Variants in ZC3H12B observed in about 807,000 individuals in gnomAD.
The protein encoded by ZC3H12B is probable ribonuclease ZC3H12B.
In ZC3H12B, 7 loss-of-function variants were observed where a neutral mutation model predicts 43.9. That is an observed-to-expected ratio of 0.16 (90% CI 0.09 to 0.30). ZC3H12B has a LOEUF of 0.30. ZC3H12B is among the 10% of genes least tolerant of loss of function. ZC3H12B has a pLI of 1.00. For missense variants in ZC3H12B, 475 were observed against 670.2 expected (o/e 0.71, Z 3.22); for synonymous variants, 222 against 241.7 (o/e 0.92, Z 0.76).
the ZC3H12B span, among the ~76,000 whole-genome samples, chrX:65,319,087 G>T: frequency 4.5e-5 from 5 of 111,246 alleles, no homozygotes; most frequent in African/African-American, 1.6e-4. Flanking sequence ...AATCAGAGTG[G>T]AACTCAAGGA....
chrX:65,218,159 G>A, the ZC3H12B span, among the ~76,000 whole-genome samples: 1 of 112,461 alleles, frequency 8.9e-6, no homozygotes, highest in African/African-American at 3.2e-5. Flanking sequence ...TGTATTCTAA[G>A]TACTGAAGGA....
the ZC3H12B span, among the ~76,000 whole-genome samples, chrX:65,203,187 A>G: frequency 1.5e-4 from 17 of 112,137 alleles, no homozygotes; most frequent in Non-Finnish European, 2.8e-4. Flanking sequence ...ACAGGAGCCA[A>G]GGCTTAAAAC....
At chrX:65,150,724 G>C in the ZC3H12B span, among the ~76,000 whole-genome samples, 1 of 111,633 alleles carries the variant, frequency 9.0e-6, no homozygotes, top group Admixed American at 9.6e-5. Context: ...AACCACACAG[G>C]CTTTTTTATT....
intron 2 of ZC3H12B, among the ~76,000 whole-genome samples, chrX:65,371,009 T>G (rs2066236983): frequency 8.9e-6 from 1 of 112,114 alleles, no homozygotes; most frequent in Non-Finnish European, 1.9e-5. Context: ...TCCCCTTTTA[T>G]ACAGTAATGT....
the ZC3H12B span, among the ~76,000 whole-genome samples, chrX:65,204,706 G>T: frequency 1.4e-4 from 16 of 111,825 alleles, no homozygotes; most frequent in East Asian, 4.5e-3. Flanking sequence ...GGTTATAAAG[G>T]TAGCTCGATT....
At chrX:65,055,062 T>C in the ZC3H12B span, among the ~76,000 whole-genome samples, 1 of 111,374 alleles carries the variant, frequency 9.0e-6, no homozygotes, top group Non-Finnish European at 1.9e-5. Flanking sequence ...CTTTTCCTAA[T>C]TGAATACCCT....
chrX:65,150,778 T>A, the ZC3H12B span, among the ~76,000 whole-genome samples: 3 of 111,676 alleles, frequency 2.7e-5, no homozygotes, highest in Non-Finnish European at 5.6e-5. Context: ...ACTTCCCCTT[T>A]CTTCTTTGCA....
chrX:65,301,648 CTAAGCTATGAGGATGCAAAGGCA>C, the ZC3H12B span, among the ~76,000 whole-genome samples: 2 of 110,963 alleles, frequency 1.8e-5, no homozygotes, highest in Admixed American at 9.6e-5. Flanking sequence ...TAAGTGGGAG[CTAAGCTATGAGGATGCAAAGGCA>C]TAAGAATGAT....
chrX:65,424,893 T>C (rs913549637), intron 3 of ZC3H12B, among the ~76,000 whole-genome samples: 1 of 111,888 alleles, frequency 8.9e-6, no homozygotes, highest in Non-Finnish European at 1.9e-5. Flanking sequence ...TGAAGTTGGG[T>C]AGTGTGATGA....
chrX:65,312,530 G>T, the ZC3H12B span, among the ~76,000 whole-genome samples: 1 of 111,323 alleles, frequency 9.0e-6, no homozygotes, highest in Admixed American at 9.5e-5. Flanking sequence ...AAAAAAAATG[G>T]GCCCCTCTTG....
At chrX:65,109,149 G>T in the ZC3H12B span, among the ~76,000 whole-genome samples, 1 of 111,331 alleles carries the variant, frequency 9.0e-6, no homozygotes, top group Non-Finnish European at 1.9e-5. Flanking sequence ...TTAGCCACCA[G>T]ATTATTGTTG....
At chrX:65,241,493 T>A in the ZC3H12B span, among the ~76,000 whole-genome samples, 1 of 111,766 alleles carries the variant, frequency 8.9e-6, no homozygotes, top group Non-Finnish European at 1.9e-5. Context: ...GAGTTCTGTT[T>A]GTATAATCCT....
chrX:65,497,097 C>G, intron 1 of ZC3H12B, 35 bp from the exon 7 acceptor site: 1 of 1,171,466 alleles, frequency 8.5e-7, no homozygotes, highest in Non-Finnish European at 1.1e-6. Flanking sequence ...TATCTATTAT[C>G]AATCTTCTCT....
the ZC3H12B span, chrX:65,272,540 G>C: frequency 8.9e-6 from 1 of 111,824 alleles, no homozygotes; most frequent in African/African-American, 3.3e-5. Context: ...TAAGACTGCA[G>C]GCTGTGCAGG....
chrX:65,384,566 G>T (rs1259288922), intron 2 of ZC3H12B, among the ~76,000 whole-genome samples: 1 of 110,944 alleles, frequency 9.0e-6, no homozygotes, highest in East Asian at 2.8e-4. Context: ...TTCCTTAAAA[G>T]TTAACCTTTT....
chrX:65,198,105 C>A, the ZC3H12B span, among the ~76,000 whole-genome samples: 3 of 111,783 alleles, frequency 2.7e-5, no homozygotes, highest in Non-Finnish European at 5.6e-5. Flanking sequence ...ACCAAGCCAC[C>A]CAATCGCATC....
At chrX:65,195,922 CACA>C in the ZC3H12B span, among the ~76,000 whole-genome samples, 1 of 111,958 alleles carries the variant, frequency 8.9e-6, no homozygotes, top group South Asian at 3.7e-4. Context: ...GGTGTTTACT[CACA>C]ACTTTTGTTA....
the ZC3H12B span, among the ~76,000 whole-genome samples, chrX:65,347,838 A>C: frequency 8.9e-6 from 1 of 112,510 alleles, no homozygotes; most frequent in Non-Finnish European, 1.9e-5. Context: ...AACCAAGCCA[A>C]ATGTCCATCA....
At chrX:65,159,879 G>C in the ZC3H12B span, among the ~76,000 whole-genome samples, 1 of 111,626 alleles carries the variant, frequency 9.0e-6, no homozygotes, top group Non-Finnish European at 1.9e-5. Flanking sequence ...TGCCCATTCA[G>C]TATGATATTG....
Sources: allele counts gnomAD v4.1 joint callset (sites outside exome capture counted in the v4.1 genomes callset), GRCh38; gene constraint gnomAD v4.1.1; transcripts MANE v1.5; gene names NCBI Gene and HGNC (gene_info 2026-07-23, HGNC 2026-07-21).